The following CTTN variants were observed in gnomAD, a reference collection of about 807,000 sequenced individuals.
CTTN encodes src substrate cortactin.
In CTTN, 28 loss-of-function variants were observed where a neutral mutation model predicts 84.0. The observed-to-expected ratio is 0.33, with a 90% confidence interval of 0.25 to 0.46. CTTN has a LOEUF of 0.46. CTTN is among the 20% of genes least tolerant of loss of function. The probability of loss-of-function intolerance (pLI) is 1.00; values close to 1 mark genes in which losing one functional copy is unlikely to be tolerated. For synonymous variants in CTTN, 301 were observed against 288.8 expected (o/e 1.04, Z -0.43); for missense variants, 641 against 723.8 (o/e 0.89, Z 1.31).
intron 13 of CTTN, among the ~76,000 whole-genome samples, chr11:70,426,808 G>T (rs189049664): frequency 6.6e-5 from 10 of 151,770 alleles, no homozygotes; most frequent in African/African-American, 2.4e-4. Flanking sequence ...CACCGTGTTA[G>T]CCAGGATGGT....
At chr11:70,403,855 C>T (rs1278753632) in intron 1 of CTTN, among the ~76,000 whole-genome samples, 1 of 152,064 alleles carries the variant, frequency 6.6e-6, no homozygotes, top group Non-Finnish European at 1.5e-5. Context: ...CTTAGCTGCT[C>T]ATGAGTAGAT....
chr11:70,400,543 A>C (rs1705229577), intron 1 of CTTN, among the ~76,000 whole-genome samples: 1 of 152,122 alleles, frequency 6.6e-6, no homozygotes, highest in Admixed American at 6.5e-5. Context: ...CGATCCTCCC[A>C]CCTCAGCCTC....
At position 70,421,545 on chromosome 11, in the gene CTTN, A is replaced by G; in HGVS notation, c.866A>G (p.Tyr289Cys). Residue 289 changes from tyrosine (Y) to cysteine (C), a missense_variant, in exon 11 of 18, where the codon TAC becomes TGC. Around this residue, in one of 3 missense-constraint regions of CTTN, gnomAD observed 289 missense variants for 273.1 expected, o/e 1.06. Coordinates refer to ENST00000301843, the MANE Select transcript of CTTN (RefSeq NM_005231.4). ...RQDSAAVGFDYKEKLAKHESQ... is the reference protein window; with the variant it reads ...RQDSAAVGFDCKEKLAKHESQ... ...GACTCCGCTGCTGTGGGGTTTGATT[A>G]CAAGGAGAAGCTGGCCAAGCACGAG... The G allele has an allele frequency of 6.2e-7, 1 of 1,614,078 alleles. No individual in the cohort carries two copies. Among genetic ancestry groups the G allele is most frequent in the African/African-American group, 1.3e-5 (1 of 75,002 alleles).
At chr11:70,421,224 AAGTAC>A (rs2058232988) in intron 10 of CTTN, among the ~76,000 whole-genome samples, 1 of 149,344 alleles carries the variant, frequency 6.7e-6, no homozygotes, top group Non-Finnish European at 1.5e-5. Flanking sequence ...GAATTATTTG[AAGTAC>A]AGTTCTTAGG....
At chr11:70,424,391 G>A (rs531428963) in intron 12 of CTTN, among the ~76,000 whole-genome samples, 4 of 152,242 alleles carry the variant, frequency 2.6e-5, no homozygotes, top group South Asian at 2.1e-4. Flanking sequence ...GTGGCCTTTC[G>A]TGTCATTGTC....
At position 70,417,021 on chromosome 11, in the gene CTTN, A is replaced by G. The variant is rs781398142; in HGVS notation, c.466A>G (p.Ser156Gly). ...CTGCCCTGTCTCTCCAGACTACTCCAGTGGTTTTGGCGGCAAGTATGGCGT... is the reference window on the plus strand; with the variant it reads ...CTGCCCTGTCTCTCCAGACTACTCCGGTGGTTTTGGCGGCAAGTATGGCGT... ...EKHASQKDYS[S>G]GFGGKYGVQA... The change falls in exon 8 of 18, where the codon AGT becomes GGT. Residue 156 changes from serine (S) to glycine (G), a missense_variant. Around this residue, in one of 3 missense-constraint regions of CTTN, gnomAD observed 284 missense variants for 348.4 expected, o/e 0.82. Coordinates refer to ENST00000301843, the MANE Select transcript of CTTN (RefSeq NM_005231.4). The G allele has an allele frequency of 6.2e-7, 1 of 1,613,874 alleles. No individual in the cohort carries two copies. Among genetic ancestry groups the G allele is most frequent in the East Asian group, 2.2e-5 (1 of 44,894 alleles).
chr11:70,424,567 G>A (rs967593178), intron 12 of CTTN, among the ~76,000 whole-genome samples: 6 of 152,082 alleles, frequency 3.9e-5, no homozygotes, highest in African/African-American at 1.4e-4. Context: ...GGTGATGTCT[G>A]CAGAGGGCCC....
chr11:70,416,337 G>A (rs1276158364), intron 7 of CTTN: 3 of 153,040 alleles, frequency 2.0e-5, no homozygotes, highest in East Asian at 1.9e-4. Context: ...TAGCTGTGGT[G>A]TGGGCAGGCG....
intron 12 of CTTN, among the ~76,000 whole-genome samples, chr11:70,424,779 G>A (rs542553864): frequency 1.6e-4 from 24 of 152,180 alleles, no homozygotes; most frequent in African/African-American, 4.8e-4. Context: ...TGGCTTCTGA[G>A]CCTCAGGTGT....
chr11:70,435,643 C>T lies in CTTN; in HGVS notation c.*481C>T. 1.9e-6 allele frequency: 3 copies of T among 1,595,440 alleles called. No individual in the cohort carries two copies. Among genetic ancestry groups the T allele is most frequent in the Non-Finnish European group, 2.5e-6 (3 of 1,178,546 alleles). On this transcript the variant is annotated 3_prime_UTR_variant, in exon 18 of 18. Transcript: ENST00000301843. ...CACTGCTGGGGAGGAGAGGACTGGGCCTGATGGAAGTTAACCCGGAGCTAA... is the reference window on the plus strand; with the variant it reads ...CACTGCTGGGGAGGAGAGGACTGGGTCTGATGGAAGTTAACCCGGAGCTAA...
intron 7 of CTTN, 41 bp from the exon 8 acceptor site, chr11:70,416,972 G>T (rs758425906): frequency 7.1e-7 from 1 of 1,408,134 alleles, no homozygotes. Flanking sequence ...AGTGTAGTTC[G>T]TCCTCAGGCC....
At chr11:70,420,246 C>T in intron 9 of CTTN, 154 bp from the exon 10 acceptor site, 1 of 644,630 alleles carries the variant, frequency 1.6e-6, no homozygotes. Context: ...AGGAGGGCCT[C>T]TTCATGGATG....
intron 5 of CTTN, among the ~76,000 whole-genome samples, chr11:70,413,625 C>A (rs2058120551): frequency 6.6e-6 from 1 of 152,134 alleles, no homozygotes; most frequent in Non-Finnish European, 1.5e-5. Context: ...TACCTGCTGG[C>A]TTTGGCGAAC....
At chr11:70,399,008 G>C (rs1268394087) in intron 1 of CTTN, among the ~76,000 whole-genome samples, 2 of 149,824 alleles carry the variant, frequency 1.3e-5, no homozygotes, top group Non-Finnish European at 3.0e-5. Context: ...TCTTGGGTCC[G>C]AGGGAATAGG....
At chr11:70,401,864 G>A (rs35077099) in intron 1 of CTTN, among the ~76,000 whole-genome samples, 26,879 of 151,722 alleles carry the variant, frequency 0.18, 2,660 homozygotes, top group African/African-American at 0.25. Flanking sequence ...AGGCTGGTGG[G>A]GGGCTTTTAG....
At chr11:70,415,115 A>G (rs986993883) in intron 6 of CTTN, among the ~76,000 whole-genome samples, 13 of 152,098 alleles carry the variant, frequency 8.5e-5, no homozygotes, top group Non-Finnish European at 1.9e-4. Context: ...CTTTTGTTTA[A>G]TAGAGGAGCG....
Position 70,435,263 on chromosome 11 carries a change from T to C in CTTN, c.*101T>C, listed in dbSNP as rs1300469729. On this transcript the variant is annotated 3_prime_UTR_variant, in exon 18 of 18. Coordinates refer to ENST00000301843, the MANE Select transcript of CTTN (RefSeq NM_005231.4). ...TTTTGGGTTTTTTCTGTTTTTTTTT[T>C]TTTTTTTTTTTTTTTGAAGGTGGGG... The C allele has an allele frequency of 4.3e-6, 6 of 1,386,162 alleles. No individual in the cohort carries two copies. The highest frequency in any genetic ancestry group is 3.4e-5 in the Admixed American group (1 of 29,230). 85.9% of individuals were successfully genotyped at this position (1,386,162 alleles called of 1,614,324 possible). A position where few individuals can be genotyped will look rare whatever the true frequency, so the allele number is the denominator to read the frequency against.
intron 5 of CTTN, 32 bp downstream of exon 5, chr11:70,409,992 C>T (rs374409445): frequency 1.9e-6 from 3 of 1,613,148 alleles, no homozygotes; most frequent in Middle Eastern, 1.7e-4. Context: ...ATGCCAGGCT[C>T]CTGGTGTGCT....
chr11:70,420,546 G>A (rs2058220834), intron 10 of CTTN, 36 bp downstream of exon 10: 1 of 1,530,570 alleles, frequency 6.5e-7, no homozygotes, highest in South Asian at 1.1e-5. Context: ...GATGGTTTTA[G>A]AAGTTTGTTT....
Sources: allele counts gnomAD v4.1 joint callset (sites outside exome capture counted in the v4.1 genomes callset), GRCh38; gene constraint gnomAD v4.1.1; regional missense constraint gnomAD v4.1.1; transcripts MANE v1.5; gene names NCBI Gene and HGNC (gene_info 2026-07-23, HGNC 2026-07-21).